ARHGAP26: variants seen among roughly 807,000 people sequenced by gnomAD.
ARHGAP26 encodes the protein rho GTPase-activating protein 26.
A neutral mutation model predicts 104.8 loss-of-function variants in ARHGAP26; 38 were observed. That is an observed-to-expected ratio of 0.36 (90% CI 0.28 to 0.48). The LOEUF (loss-of-function observed/expected upper bound fraction) is 0.48. Ranked by LOEUF, ARHGAP26 falls within the 20% of genes least tolerant of loss-of-function variation. The pLI, the probability that ARHGAP26 is intolerant of heterozygous loss-of-function variation, is 0.99. For synonymous variants in ARHGAP26, 341 were observed against 340.0 expected (o/e 1.00, Z -0.03); for missense variants, 704 against 947.9 (o/e 0.74, Z 3.38).
intron 3 of ARHGAP26, among the ~76,000 whole-genome samples, chr5:142,879,093 G>A (rs1756557945): frequency 6.6e-6 from 1 of 152,120 alleles, no homozygotes; most frequent in Non-Finnish European, 1.5e-5. Context: ...GTTCCCCTCT[G>A]CCCCTTCAGA....
intron 8 of ARHGAP26, among the ~76,000 whole-genome samples, chr5:142,904,653 C>G (rs1370000424): frequency 6.6e-6 from 1 of 152,118 alleles, no homozygotes; most frequent in African/African-American, 2.4e-5. Context: ...TGGGGAAAGG[C>G]TCTGTGATGG....
intron 1 of ARHGAP26, among the ~76,000 whole-genome samples, chr5:142,865,250 C>G (rs1423517789): frequency 6.6e-6 from 1 of 152,112 alleles, no homozygotes; most frequent in Non-Finnish European, 1.5e-5. Context: ...GGTCATTGAT[C>G]CAGTAAATGT....
rs533493364 is a variant in ARHGAP26, at chr5:142,826,505, A to G, written c.155-46895A>G. On this transcript the variant is annotated intron_variant, in intron 1 of 22. Transcript: ENST00000645722. The stretch of plus-strand genomic sequence containing the variant: ...GATAGCCATTTATTGAATTTCAACT[A>G]CGTGCTAGCACGAGGATTATTATCA... Among the ~76,000 whole-genome samples the G allele has an allele frequency of 2.0e-4, 31 of 152,370 alleles. No individual in the cohort carries two copies. The East Asian group carries it at 6.0e-3, about 29-fold the overall frequency.
rs1338520701 is a variant in ARHGAP26, at chr5:142,894,261, C to T, written c.510C>T (p.Val170=). The T allele has an allele frequency of 1.2e-6, 2 of 1,613,712 alleles. No individual in the cohort carries two copies. The highest frequency in any genetic ancestry group is 2.7e-5 in the African/African-American group (2 of 74,820). Residue 170 remains valine (V), a synonymous_variant, in exon 6 of 23, where the codon GTC becomes GTT. Coordinates refer to ENST00000645722, the MANE Select transcript of ARHGAP26 (RefSeq NM_001135608.3). ...LQEADSQVDL[V]RQHFYEVSLE... is the part of the protein sequence containing the mutation. ...AGGCAGACAGCCAAGTGGACCTGGT[C>T]CGGCAGCATTTCTATGAAGTATCCC...
At chr5:143,189,583 A>G (rs1805623826) in intron 20 of ARHGAP26, among the ~76,000 whole-genome samples, 1 of 147,186 alleles carries the variant, frequency 6.8e-6, no homozygotes, top group African/African-American at 2.5e-5. Flanking sequence ...TTCCATTAGG[A>G]TAATAATTAA....
At chr5:143,178,723 AG>A (rs1803869436) in intron 20 of ARHGAP26, among the ~76,000 whole-genome samples, 2 of 152,162 alleles carry the variant, frequency 1.3e-5, no homozygotes, top group Admixed American at 6.5e-5. Context: ...TTGCCCCAGG[AG>A]GGAGGCTGTT....
chr5:143,162,349 G>A (rs1599307585), intron 20 of ARHGAP26, among the ~76,000 whole-genome samples: 1 of 151,580 alleles, frequency 6.6e-6, no homozygotes, highest in Admixed American at 6.6e-5. Flanking sequence ...GATCCTTTGC[G>A]TGGAAGTAGA....
chr5:142,795,327 C>T (rs181844073), intron 1 of ARHGAP26, among the ~76,000 whole-genome samples: 9 of 150,828 alleles, frequency 6.0e-5, no homozygotes, highest in Non-Finnish European at 1.2e-4. Context: ...AAAGTGTTGG[C>T]TCTTTGGAAT....
chr5:143,080,156 T>A (rs1282715998), intron 17 of ARHGAP26, among the ~76,000 whole-genome samples: 5 of 152,112 alleles, frequency 3.3e-5, no homozygotes, highest in Non-Finnish European at 7.4e-5. Context: ...ATTCTTCAAA[T>A]ATGGGGATGC....
At chr5:142,970,911 C>T (rs1045869084) in intron 11 of ARHGAP26, among the ~76,000 whole-genome samples, 1 of 152,188 alleles carries the variant, frequency 6.6e-6, no homozygotes, top group African/African-American at 2.4e-5. Context: ...GAATCAAAGA[C>T]TAAAATAGCC....
chr5:143,118,031 A>G (rs1795699548), intron 17 of ARHGAP26, among the ~76,000 whole-genome samples: 1 of 152,246 alleles, frequency 6.6e-6, no homozygotes, highest in African/African-American at 2.4e-5. Flanking sequence ...TAATAAATGC[A>G]GGAGCAGGCC....
At chr5:142,780,996 G>GTA (rs1757381103) in intron 1 of ARHGAP26, among the ~76,000 whole-genome samples, 1 of 152,238 alleles carries the variant, frequency 6.6e-6, no homozygotes, top group African/African-American at 2.4e-5. Flanking sequence ...TCCTGTTGAT[G>GTA]TAGAAGGCTA....
intron 5 of ARHGAP26, among the ~76,000 whole-genome samples, chr5:142,890,076 C>T (rs1320410384): frequency 2.1e-5 from 3 of 139,542 alleles, no homozygotes; most frequent in African/African-American, 2.7e-5. Context: ...GCGGAGGTTG[C>T]GGTGAGCCGA....
At chr5:142,794,802 A>C (rs1476269820) in intron 1 of ARHGAP26, among the ~76,000 whole-genome samples, 9 of 152,168 alleles carry the variant, frequency 5.9e-5, no homozygotes, top group African/African-American at 2.2e-4. Flanking sequence ...TACCCCGGCC[A>C]ATGATTGACT....
chr5:143,195,486 G>A, intron 20 of ARHGAP26, among the ~76,000 whole-genome samples: 1 of 152,246 alleles, frequency 6.6e-6, no homozygotes, highest in East Asian at 1.9e-4. Flanking sequence ...GAGAGCCAAT[G>A]CCCCTCAGCC....
At chr5:142,933,357 A>T (rs1167874240) in intron 11 of ARHGAP26, among the ~76,000 whole-genome samples, 1 of 140,820 alleles carries the variant, frequency 7.1e-6, no homozygotes, top group East Asian at 1.9e-4. Context: ...AAGTGCTGTG[A>T]TTCCATTTTA....
chr5:142,849,450 T>G (rs937741615), intron 1 of ARHGAP26, among the ~76,000 whole-genome samples: 1 of 152,256 alleles, frequency 6.6e-6, no homozygotes, highest in African/African-American at 2.4e-5. Flanking sequence ...GAGATTTTGC[T>G]AACATTCCTT....
intron 1 of ARHGAP26, among the ~76,000 whole-genome samples, chr5:142,807,161 C>G (rs182298193): frequency 6.6e-6 from 1 of 152,316 alleles, no homozygotes; most frequent in Non-Finnish European, 1.5e-5. Flanking sequence ...ACAGTGAATG[C>G]ATTGAGCCAA....
intron 2 of ARHGAP26, chr5:142,874,901 G>A (rs920203193): frequency 3.6e-6 from 2 of 547,946 alleles, no homozygotes; most frequent in African/African-American, 3.8e-5. Context: ...TCATTCCCTA[G>A]CTAGAGTGCC....
Sources: allele counts gnomAD v4.1 joint callset (sites outside exome capture counted in the v4.1 genomes callset), GRCh38; gene constraint gnomAD v4.1.1; transcripts MANE v1.5; gene names NCBI Gene and HGNC (gene_info 2026-07-23, HGNC 2026-07-21).